Variants in ALOXE3 observed in about 807,000 individuals in gnomAD.
The protein encoded by ALOXE3 is arachidonate epidermal lipoxygenase 3, also known as hydroperoxide isomerase ALOXE3.
Under a neutral mutation model 87.5 loss-of-function variants are expected in ALOXE3, and 78 were observed. The ratio of observed to expected loss-of-function variants is 0.89; its 90% confidence interval spans 0.74 to 1.08. The LOEUF is 1.08. ALOXE3 is among the 50% of genes least tolerant of loss of function. The probability of loss-of-function intolerance (pLI) is 0.00; values close to 1 mark genes in which losing one functional copy is unlikely to be tolerated. For synonymous variants in ALOXE3, 363 were observed against 370.8 expected (o/e 0.98, Z 0.24); for missense variants, 946 against 912.4 (o/e 1.04, Z -0.47).
At position 8,096,634 on chromosome 17, in the gene ALOXE3, G is replaced by T; in HGVS notation, c.2129C>A (p.Ser710Tyr). The part of the protein sequence containing the change: ...LDPPLIENSV[S>Y]I ...GGTGGTATTTGGGGGTGGTTAGATG[G>T]AGACGCTGTTCTCAATGAGGGGAGG... is the stretch of plus-strand genomic sequence containing the variant. Residue 710 changes from serine to tyrosine, a missense_variant, in exon 16 of 16, where the codon TCC (serine) becomes TAC (tyrosine). By Grantham distance (144) the Ser-to-Tyr change is moderately radical (BLOSUM62 -2). Coordinates refer to ENST00000448843, the MANE Select transcript of ALOXE3 (RefSeq NM_021628.3). 1 of 1,356,232 alleles carries T rather than the reference G, an allele frequency of 7.4e-7. No individual in the cohort carries two copies. Among genetic ancestry groups the T allele is most frequent in the Non-Finnish European group, 1.1e-6 (1 of 944,874 alleles). 84.0% of individuals were successfully genotyped at this position (1,356,232 alleles called of 1,614,324 possible). A position where few individuals can be genotyped will look rare whatever the true frequency, so the allele number is the denominator to read the frequency against.
rs1329754818 is a variant in ALOXE3 at position 8,096,341 on chromosome 17, C to G, written c.*286G>C. On this transcript the variant is annotated 3_prime_UTR_variant, in exon 16 of 16. Coordinates refer to ENST00000448843, the MANE Select transcript of ALOXE3 (RefSeq NM_021628.3). ...CCAAGAGGCTGGAACAAGAGGCTGC[C>G]CCAAGTGGGGCAAGAAGTGAAGCGG... 1 of 393,134 alleles carries G rather than the reference C, an allele frequency of 2.5e-6. No individual in the cohort carries two copies. Among genetic ancestry groups the G allele is most frequent in the Non-Finnish European group, 4.6e-6 (1 of 216,440 alleles). The allele number at this position is 393,134 out of a possible 1,614,324, so 24.4% of individuals were successfully genotyped here.
chr17:8,099,233 G>A (rs1165847325), intron 15 of ALOXE3, among the ~76,000 whole-genome samples: 2 of 152,026 alleles, frequency 1.3e-5, no homozygotes, highest in African/African-American at 2.4e-5. Context: ...CATCAACTCT[G>A]AAGACAGGTA....
Position 8,109,357 on chromosome 17 carries a change from A to C in ALOXE3, c.1393-14T>G, listed in dbSNP as rs770577900. ...GATGGACGTGACCTGAGGACACAGCACAGCTCGGCTCCCGGGCCGGCCCAA... is the reference window on the plus strand; with the variant it reads ...GATGGACGTGACCTGAGGACACAGCCCAGCTCGGCTCCCGGGCCGGCCCAA... On this transcript the variant is annotated splice_polypyrimidine_tract_variant and intron_variant, in intron 11 of 15. Transcript: ENST00000448843. 1 of 1,612,854 alleles carries C rather than the reference A, an allele frequency of 6.2e-7. No homozygotes were observed. The highest frequency in any genetic ancestry group is 1.7e-4 in the Middle Eastern group (1 of 6,060).
In ALOXE3 at chr17:8,096,654, G is replaced by T; in HGVS notation, c.2109C>A (p.Pro703=). The T allele has an allele frequency of 6.8e-7, 1 of 1,466,388 alleles. No individual in the cohort carries two copies. The highest frequency in any genetic ancestry group is 1.4e-5 in the African/African-American group (1 of 71,844). 90.8% of individuals were successfully genotyped at this position (1,466,388 alleles called of 1,614,324 possible). ...AGATGGAGACGCTGTTCTCAATGAG[G>T]GGAGGGTCCAGGTAGGTGTAGGGCA... ...LALPYTYLDP[P]LIENSVSI is the part of the protein sequence containing the mutation. The change falls in exon 16 of 16, where the codon CCC becomes CCA. Residue 703 remains proline (P), a synonymous_variant. Coordinates refer to ENST00000448843, the MANE Select transcript of ALOXE3 (RefSeq NM_021628.3).
Position 8,110,060 on chromosome 17 carries a change from G to A in ALOXE3, c.1305+32C>T. On this transcript the variant is annotated intron_variant, in intron 10 of 15. Coordinates refer to ENST00000448843, the MANE Select transcript of ALOXE3 (RefSeq NM_021628.3). ...CCGGGGACAAGGCCGCCCGGCCCCT[G>A]CCCCGCTGGGCCCCCACCCGGGGTC... The A allele has an allele frequency of 2.5e-6, 4 of 1,590,442 alleles. 1 individual carries two copies. The South Asian group carries it at 4.5e-5, about 18-fold the overall frequency.
chr17:8,114,116 C>T (rs958480854), intron 6 of ALOXE3, among the ~76,000 whole-genome samples: 33 of 152,106 alleles, frequency 2.2e-4, no homozygotes, highest in African/African-American at 7.7e-4. Flanking sequence ...CGGACAGGCC[C>T]AGGAACGATG....
At position 8,104,233 on chromosome 17, in the gene ALOXE3, G is replaced by A. The variant is rs1214714942; in HGVS notation, c.1685-18C>T. The A allele has an allele frequency of 6.3e-7, 1 of 1,597,582 alleles. No homozygotes were observed. Among genetic ancestry groups the A allele is most frequent in the South Asian group, 1.1e-5 (1 of 90,704 alleles). On this transcript the variant is annotated intron_variant, in intron 13 of 15. Transcript: ENST00000448843. ...TGGGAAACCTGGGTGTGGGGAGGAA[G>A]GGTAGAGGGTGTGGATGGAAGGTAC...
intron 15 of ALOXE3, among the ~76,000 whole-genome samples, chr17:8,101,709 T>G (rs1274586366): frequency 6.6e-6 from 1 of 152,126 alleles, no homozygotes; most frequent in Non-Finnish European, 1.5e-5. Context: ...TGAACATGGC[T>G]CACTGCATTT....
chr17:8,112,284 C>CG, intron 6 of ALOXE3, 88 bp from the exon 7 acceptor site: 1 of 978,152 alleles, frequency 1.0e-6, no homozygotes, highest in Non-Finnish European at 1.6e-6. Context: ...GAGGAACTGA[C>CG]GGGGTCCATC....
intron 14 of ALOXE3, 23 bp downstream of exon 14, chr17:8,104,092 A>C (rs768461262): frequency 5.6e-6 from 9 of 1,606,434 alleles, no homozygotes; most frequent in Non-Finnish European, 6.8e-6. Flanking sequence ...TGATGTCCCC[A>C]GGCCTGCCCT....
rs768625560 is a variant in ALOXE3 at position 8,110,140 on chromosome 17, G to A, written c.1257C>T (p.Phe419=). The change falls in exon 10 of 16, where the codon TTC becomes TTT. Residue 419 remains phenylalanine, a synonymous_variant. Coordinates refer to ENST00000448843, the MANE Select transcript of ALOXE3 (RefSeq NM_021628.3). ...FLCTHLLCEA[F]AMATLRQLPL... ...GCAGCTGGCGCAGCGTGGCCATGGC[G>A]AAGGCCTCGCACAGCAAATGCGTGC... The A allele has an allele frequency of 1.2e-6, 2 of 1,613,908 alleles. No homozygotes were observed. Among genetic ancestry groups the A allele is most frequent in the South Asian group, 2.2e-5 (2 of 91,074 alleles).
intron 15 of ALOXE3, among the ~76,000 whole-genome samples, chr17:8,098,213 T>G (rs1054873520): frequency 1.9e-4 from 28 of 150,056 alleles, no homozygotes; most frequent in Non-Finnish European, 8.9e-5. Context: ...CAGTGTTTTT[T>G]GAAATATACT....
intron 14 of ALOXE3, 119 bp downstream of exon 14, chr17:8,103,996 C>A: frequency 1.2e-6 from 1 of 863,162 alleles, no homozygotes; most frequent in Non-Finnish European, 1.9e-6. Flanking sequence ...GCCACTCCAA[C>A]CCCAAGTCTA....
upstream of ALOXE3, chr17:8,118,530 G>A (rs1360390376): frequency 6.5e-7 from 1 of 1,532,122 alleles, no homozygotes; most frequent in African/African-American, 1.4e-5. Context: ...ACTAAACAGT[G>A]GAGAGTTGCA....
At chr17:8,106,920 C>T (rs1979359258) in intron 13 of ALOXE3, among the ~76,000 whole-genome samples, 1 of 152,086 alleles carries the variant, frequency 6.6e-6, no homozygotes. Context: ...TAACCTCAGA[C>T]TGACTGAGGT....
chr17:8,103,265 A>T, intron 15 of ALOXE3, 58 bp downstream of exon 15: 1 of 1,600,282 alleles, frequency 6.2e-7, no homozygotes, highest in Non-Finnish European at 8.6e-7. Flanking sequence ...CGAAGCCACC[A>T]CCACCCCTAC....
chr17:8,112,331 A>G lies in ALOXE3; in HGVS notation c.681-135T>C, dbSNP rs1980168386. 7.2e-6 allele frequency: 5 copies of G among 696,456 alleles called. No individual in the cohort carries two copies. The African/African-American group carries it at 8.7e-5, about 12-fold the overall frequency. 43.1% of individuals were successfully genotyped at this position (696,456 alleles called of 1,614,324 possible). A position where few individuals can be genotyped will look rare whatever the true frequency, so the allele number is the denominator to read the frequency against. ...GATGCCTAACAATCCACATGGGAGA[A>G]AAAGTCTAGTACCCGGTGGAGGCTC... On this transcript the variant is annotated intron_variant, in intron 6 of 15. Coordinates refer to ENST00000448843, the MANE Select transcript of ALOXE3 (RefSeq NM_021628.3).
chr17:8,103,868 C>A (rs1402671646), intron 14 of ALOXE3, among the ~76,000 whole-genome samples: 1 of 152,162 alleles, frequency 6.6e-6, no homozygotes, highest in Non-Finnish European at 1.5e-5. Context: ...GGGTTCTAAC[C>A]ATGAGAGGAG....
chr17:8,105,759 T>C (rs1300139462), intron 13 of ALOXE3, among the ~76,000 whole-genome samples: 1 of 151,402 alleles, frequency 6.6e-6, no homozygotes, highest in African/African-American at 2.4e-5. Context: ...TTTAAAAAGG[T>C]AACTGGATGC....
Sources: gnomAD v4.1 joint callset for allele counts (sites outside exome capture counted in the v4.1 genomes callset) on GRCh38, gnomAD v4.1.1 for gene constraint, MANE v1.5 for transcripts, NCBI Gene and HGNC (gene_info 2026-07-23, HGNC 2026-07-21) for gene names.